FA2H: variants seen among roughly 807,000 people sequenced by gnomAD.
FA2H encodes fatty acid 2-hydroxylase, also known as fatty acid alpha-hydroxylase.
Under a neutral mutation model 44.9 loss-of-function variants are expected in FA2H, and 22 were observed. That is an observed-to-expected ratio of 0.49 (90% CI 0.35 to 0.70). FA2H has a LOEUF of 0.70. Ranked by LOEUF, FA2H falls within the 30% of genes least tolerant of loss-of-function variation. FA2H has a pLI of 0.01. For synonymous variants in FA2H, 243 were observed against 213.2 expected (o/e 1.14, Z -1.22); for missense variants, 501 against 504.9 (o/e 0.99, Z 0.07).
intron 1 of FA2H, among the ~76,000 whole-genome samples, chr16:74,764,407 T>A (rs564441481): frequency 1.5e-4 from 23 of 152,304 alleles, no homozygotes; most frequent in East Asian, 1.2e-3. Flanking sequence ...AACGAGATCA[T>A]GTCCCTTGAG....
At chr16:74,735,326 G>A (rs529430910) in intron 2 of FA2H, among the ~76,000 whole-genome samples, 27 of 152,252 alleles carry the variant, frequency 1.8e-4, no homozygotes, top group African/African-American at 5.5e-4. Context: ...CTGCAGGCCC[G>A]TCCTGCGCGG....
At chr16:74,719,882 G>A (rs188581459) in intron 4 of FA2H, among the ~76,000 whole-genome samples, 5 of 151,864 alleles carry the variant, frequency 3.3e-5, no homozygotes, top group South Asian at 4.2e-4. Flanking sequence ...TGGGAAGTGT[G>A]ACCCACCAGG....
Position 74,774,564 on chromosome 16 carries a change from C to T in FA2H, c.192G>A (p.Gly64=). ...AGQDISADLD[G]PPHRHSANAR... ...CGTTGGCCGAGTGCCTGTGCGGCGGCCCGTCCAGGTCGGCGCTGATGTCCT... is the reference window on the plus strand; with the variant it reads ...CGTTGGCCGAGTGCCTGTGCGGCGGTCCGTCCAGGTCGGCGCTGATGTCCT... The change falls in exon 1 of 7, where the codon GGG becomes GGA. Residue 64 remains glycine (G), a synonymous_variant. Transcript: ENST00000219368. 6.5e-7 allele frequency: 1 copy of T among 1,541,498 alleles called. No homozygotes were observed.
intron 1 of FA2H, among the ~76,000 whole-genome samples, chr16:74,772,099 C>T (rs751919504): frequency 6.6e-6 from 1 of 152,148 alleles, no homozygotes; most frequent in Admixed American, 6.5e-5. Flanking sequence ...CTGACCACAG[C>T]CTACGAAGCC....
chr16:74,715,943 G>A (rs1424109419), intron 6 of FA2H, among the ~76,000 whole-genome samples: 4 of 151,800 alleles, frequency 2.6e-5, no homozygotes, highest in African/African-American at 7.3e-5. Context: ...AGCCTCCCAA[G>A]TAGCTGAGAT....
intron 1 of FA2H, among the ~76,000 whole-genome samples, chr16:74,742,828 G>A (rs1036509380): frequency 6.6e-6 from 1 of 152,064 alleles, no homozygotes; most frequent in African/African-American, 2.4e-5. Context: ...CACAGAGTAA[G>A]ACCTTGTCTC....
chr16:74,736,151 A>AT (rs911694918), intron 2 of FA2H, among the ~76,000 whole-genome samples: 3 of 152,026 alleles, frequency 2.0e-5, no homozygotes, highest in African/African-American at 7.3e-5. Context: ...GCCTTGGGGT[A>AT]TTTTTTGAGC....
intron 4 of FA2H, 83 bp from the exon 5 acceptor site, chr16:74,719,243 T>G: frequency 2.4e-6 from 3 of 1,259,416 alleles, no homozygotes; most frequent in Non-Finnish European, 3.4e-6. Flanking sequence ...ACCATCCCCA[T>G]CAGCTCGGGA....
chr16:74,717,695 T>C (rs1961738022), intron 5 of FA2H, among the ~76,000 whole-genome samples: 1 of 152,170 alleles, frequency 6.6e-6, no homozygotes, highest in Non-Finnish European at 1.5e-5. Flanking sequence ...CTACAGGCCA[T>C]ACAGTCTCCT....
intron 4 of FA2H, among the ~76,000 whole-genome samples, chr16:74,725,131 T>G (rs1177990219): frequency 6.6e-6 from 1 of 152,160 alleles, no homozygotes; most frequent in Non-Finnish European, 1.5e-5. Context: ...GCAGTAACCC[T>G]CGGTGACCGG....
intron 4 of FA2H, among the ~76,000 whole-genome samples, chr16:74,720,404 C>A (rs1443265018): frequency 6.6e-6 from 1 of 151,508 alleles, no homozygotes; most frequent in Non-Finnish European, 1.5e-5. Flanking sequence ...CCATATTATC[C>A]AGGCTGGTCT....
At chr16:74,762,112 G>C (rs907731437) in intron 1 of FA2H, among the ~76,000 whole-genome samples, 30 of 152,002 alleles carry the variant, frequency 2.0e-4, no homozygotes, top group Middle Eastern at 6.8e-3. Context: ...GCGTGATCTC[G>C]GCTCACTGCA....
chr16:74,749,952 C>T (rs1390597756), intron 1 of FA2H, among the ~76,000 whole-genome samples: 2 of 152,178 alleles, frequency 1.3e-5, no homozygotes, highest in African/African-American at 4.8e-5. Flanking sequence ...GGAAGGGACG[C>T]GGCCAGAGCT....
intron 6 of FA2H, among the ~76,000 whole-genome samples, chr16:74,714,997 CA>C (rs1961663287): frequency 6.6e-6 from 1 of 151,900 alleles, no homozygotes; most frequent in African/African-American, 2.4e-5. Flanking sequence ...CCACCATATC[CA>C]GCTAATTTTT....
chr16:74,750,614 C>A (rs987120386), intron 1 of FA2H, among the ~76,000 whole-genome samples: 11 of 152,150 alleles, frequency 7.2e-5, no homozygotes, highest in Admixed American at 2.0e-4. Context: ...CAAGCAATTC[C>A]CTCTCCCCAT....
At position 74,758,106 on chromosome 16, in the gene FA2H, G is replaced by A. The variant is rs550175776; in HGVS notation, c.270+16380C>T. Among the ~76,000 whole-genome samples, 3 of 149,436 alleles carry A rather than the reference G, an allele frequency of 2.0e-5. No homozygotes were observed. In the Admixed American group the frequency reaches 2.0e-4, roughly 10 times the overall value. On this transcript the variant is annotated intron_variant, in intron 1 of 6. Transcript: ENST00000219368. ...TATTTATAGAGGGACTAGAGTGAGA[G>A]GGAAACAATTCTTTTTTTTTTTTTT...
chr16:74,756,280 G>T (rs966037399), intron 1 of FA2H, among the ~76,000 whole-genome samples: 6 of 152,160 alleles, frequency 3.9e-5, no homozygotes, highest in African/African-American at 1.4e-4. Context: ...AGGACAAGCT[G>T]CAGCTACCTG....
At chr16:74,735,009 G>A (rs1409292518) in intron 2 of FA2H, among the ~76,000 whole-genome samples, 1 of 152,252 alleles carries the variant, frequency 6.6e-6, no homozygotes, top group Non-Finnish European at 1.5e-5. Flanking sequence ...CAACCTGGTC[G>A]CTGGTCAGCT....
Position 74,716,881 on chromosome 16 carries a change from G to A in FA2H, c.787-282C>T, listed in dbSNP as rs555862244. The A allele has an allele frequency of 1.0e-3, 488 of 481,468 alleles. 3 individuals are homozygous for A. Among genetic ancestry groups the A allele is most frequent in the Middle Eastern group, 3.4e-3 (6 of 1,782 alleles). 29.8% of individuals were successfully genotyped at this position (481,468 alleles called of 1,614,324 possible). On this transcript the variant is annotated intron_variant, in intron 5 of 6. Coordinates refer to ENST00000219368, the MANE Select transcript of FA2H (RefSeq NM_024306.5). ...ATGGGCAGGATGGGTGGGGTGTGCT[G>A]GCGGCTCAGAGCCCATCTTATAGAG...
Sources: allele counts gnomAD v4.1 joint callset (sites outside exome capture counted in the v4.1 genomes callset), GRCh38; gene constraint gnomAD v4.1.1; transcripts MANE v1.5; gene names NCBI Gene and HGNC (gene_info 2026-07-23, HGNC 2026-07-21).